TNKS: variants seen among roughly 807,000 people sequenced by gnomAD.
TNKS encodes the protein poly [ADP-ribose] polymerase tankyrase-1.
In TNKS, 72 loss-of-function variants were observed where a neutral mutation model predicts 135.8. The observed-to-expected ratio is 0.53, with a 90% CI of 0.44 to 0.64. The LOEUF (loss-of-function observed/expected upper bound fraction) is 0.64, where lower values mean the gene tolerates loss of function less well. Ranked by LOEUF, TNKS falls within the 30% of genes least tolerant of loss-of-function variation. TNKS has a pLI of 0.00. For synonymous variants in TNKS, 849 were observed against 649.3 expected (o/e 1.31, Z -4.68); for missense variants, 1,769 against 1,674.0 (o/e 1.06, Z -0.99).
At position 9,659,079 on chromosome 8, in the gene TNKS, A is replaced by T. The variant is rs1254052675; in HGVS notation, c.995-20872A>T. 2.6e-5 allele frequency among the ~76,000 whole-genome samples: 4 copies of T among 152,262 alleles called. No individual in the cohort carries two copies. In the East Asian group the frequency reaches 7.7e-4, roughly 29 times the overall value. ...ACTCAATACAGGAGCACCCAGATTC[A>T]TAAAGCAAGTCCTTAGTGAAGTACA... On this transcript the variant is annotated intron_variant, in intron 3 of 26. Coordinates refer to ENST00000310430, the MANE Select transcript of TNKS (RefSeq NM_003747.3).
chr8:9,776,961 C>T lies in TNKS; in HGVS notation c.*225C>T. Reference sequence around the variant, plus strand: ...AATGTTTACAGGGGCGGCCTTTTAACATATCTCAGGCTCATTTTCATTGCA... The same window carrying T: ...AATGTTTACAGGGGCGGCCTTTTAATATATCTCAGGCTCATTTTCATTGCA... On this transcript the variant is annotated 3_prime_UTR_variant, in exon 27 of 27. Coordinates refer to ENST00000310430, the MANE Select transcript of TNKS (RefSeq NM_003747.3). 2 of 484,720 alleles carry T rather than the reference C, an allele frequency of 4.1e-6. No homozygotes were observed. Among genetic ancestry groups the T allele is most frequent in the Non-Finnish European group, 3.7e-6 (1 of 273,094 alleles). The allele number at this position is 484,720 out of a possible 1,614,324, so 30.0% of individuals were successfully genotyped here.
At chr8:9,668,315 A>C (rs1222684046) in intron 3 of TNKS, among the ~76,000 whole-genome samples, 1 of 152,186 alleles carries the variant, frequency 6.6e-6, no homozygotes, top group African/African-American at 2.4e-5. Context: ...CACTTTAAGG[A>C]GCTAATAAAA....
At chr8:9,743,738 T>A (rs532321039) in intron 17 of TNKS, among the ~76,000 whole-genome samples, 1 of 152,220 alleles carries the variant, frequency 6.6e-6, no homozygotes. Flanking sequence ...AAAATACATA[T>A]CCATATCTAT....
chr8:9,630,775 T>C (rs1238545077), intron 3 of TNKS, among the ~76,000 whole-genome samples: 2 of 152,216 alleles, frequency 1.3e-5, no homozygotes, highest in Non-Finnish European at 2.9e-5. Context: ...GGCAGAATCA[T>C]CGTAAATGAA....
At chr8:9,753,620 T>G (rs1806666768) in intron 20 of TNKS, among the ~76,000 whole-genome samples, 1 of 152,236 alleles carries the variant, frequency 6.6e-6, no homozygotes, top group East Asian at 1.9e-4. Flanking sequence ...ACTCCTGAAT[T>G]TAAATGGACT....
chr8:9,760,150 C>G (rs1184133053), intron 20 of TNKS, among the ~76,000 whole-genome samples: 6 of 152,110 alleles, frequency 3.9e-5, no homozygotes, highest in Non-Finnish European at 8.8e-5. Flanking sequence ...TCATGTCTAG[C>G]TAAGAATGTA....
In TNKS at chr8:9,776,679, G is replaced by C; in HGVS notation, c.3927G>C (p.Gln1309His). 2 of 1,614,000 alleles carry C rather than the reference G, an allele frequency of 1.2e-6. No homozygotes were observed. Among genetic ancestry groups the C allele is most frequent in the Non-Finnish European group, 1.7e-6 (2 of 1,179,942 alleles). The change falls in exon 27 of 27, where the codon CAG (glutamine) becomes CAC (histidine). Residue 1309 changes from glutamine (Q) to histidine (H), a missense_variant. Transcript: ENST00000310430. ...ACCCAGAGTATCTTATCACTTACCA[G>C]ATCATGAAGCCAGAAGCCCCTTCCC... Reference protein sequence around the residue: ...QAYPEYLITYQIMKPEAPSQT... With the variant: ...QAYPEYLITYHIMKPEAPSQT...
At chr8:9,587,235 G>C (rs949255110) in intron 2 of TNKS, among the ~76,000 whole-genome samples, 1 of 151,902 alleles carries the variant, frequency 6.6e-6, no homozygotes, top group South Asian at 2.1e-4. Context: ...AAAGTCAGAT[G>C]ATATAATTTC....
At chr8:9,767,830 G>A (rs1347990204) in intron 25 of TNKS, among the ~76,000 whole-genome samples, 1 of 151,900 alleles carries the variant, frequency 6.6e-6, no homozygotes, top group African/African-American at 2.4e-5. Context: ...GTGGTGGCAG[G>A]CGCTTGTAGT....
At chr8:9,604,747 C>CAT (rs1391633769) in intron 2 of TNKS, among the ~76,000 whole-genome samples, 4 of 151,654 alleles carry the variant, frequency 2.6e-5, no homozygotes, top group Admixed American at 2.6e-4. Context: ...TAAATACATA[C>CAT]ATATGTATGT....
rs552999416 is a variant in TNKS at position 9,625,179 on chromosome 8, A to G, written c.994+9502A>G. ...TTTATGTCTTTCAAGGAATTGGTCA[A>G]TTTCATCTAAGTTGTCAAATTTGTG... On this transcript the variant is annotated intron_variant, in intron 3 of 26. Transcript: ENST00000310430. Among the ~76,000 whole-genome samples the G allele has an allele frequency of 2.6e-5, 4 of 152,068 alleles. 1 individual carries two copies. The South Asian group carries it at 8.3e-4, about 32-fold the overall frequency.
In TNKS at chr8:9,679,878, A is replaced by C. The variant is rs752236011; in HGVS notation, c.995-73A>C. 5.7e-6 allele frequency: 7 copies of C among 1,222,742 alleles called. No homozygotes were observed. In the South Asian group the frequency reaches 7.3e-5, roughly 13 times the overall value. 75.7% of individuals were successfully genotyped at this position (1,222,742 alleles called of 1,614,324 possible). A position where few individuals can be genotyped will look rare whatever the true frequency, so the allele number is the denominator to read the frequency against. On this transcript the variant is annotated intron_variant, in intron 3 of 26. Coordinates refer to ENST00000310430, the MANE Select transcript of TNKS (RefSeq NM_003747.3). The stretch of plus-strand genomic sequence containing the variant: ...TCTGTTCTTCTCTATTTAATTCTCT[A>C]TTTGCTGCCTACTGCATTTCTTAAT...
chr8:9,659,006 A>G (rs573768974), intron 3 of TNKS, among the ~76,000 whole-genome samples: 10 of 152,374 alleles, frequency 6.6e-5, no homozygotes, highest in African/African-American at 2.2e-4. Flanking sequence ...ACATAATGGT[A>G]AAGGGATCAA....
At chr8:9,599,027 T>G (rs1307240383) in intron 2 of TNKS, among the ~76,000 whole-genome samples, 1 of 151,728 alleles carries the variant, frequency 6.6e-6, no homozygotes, top group East Asian at 1.9e-4. Flanking sequence ...CCCTTAGAGT[T>G]GTGCAAGCTT....
At chr8:9,704,321 T>A (rs1432848923) in intron 5 of TNKS, among the ~76,000 whole-genome samples, 1 of 152,162 alleles carries the variant, frequency 6.6e-6, no homozygotes, top group Admixed American at 6.5e-5. Flanking sequence ...AGGAAGAATG[T>A]TTCCAATTAT....
chr8:9,561,125 ATC>A (rs1797316398), intron 1 of TNKS, among the ~76,000 whole-genome samples: 3 of 152,202 alleles, frequency 2.0e-5, no homozygotes, highest in Admixed American at 6.5e-5. Context: ...TCCGTCAATC[ATC>A]TTTTTATTAA....
chr8:9,657,216 ACCTC>A (rs1563146622), intron 3 of TNKS, among the ~76,000 whole-genome samples: 164 of 120,072 alleles, frequency 1.4e-3, no homozygotes, highest in Non-Finnish European at 2.4e-3. Flanking sequence ...GGTGCCCCTC[ACCTC>A]CCGGACGGGG....
chr8:9,763,326 C>A, intron 22 of TNKS, 82 bp downstream of exon 22: 2 of 909,332 alleles, frequency 2.2e-6, no homozygotes, highest in South Asian at 1.9e-5. Flanking sequence ...CCTCGTCTTA[C>A]ATTGCCTTGC....
chr8:9,735,254 A>G, intron 16 of TNKS, 123 bp from the exon 17 acceptor site: 14 of 1,085,356 alleles, frequency 1.3e-5, no homozygotes, highest in African/African-American at 1.6e-5. Flanking sequence ...TTATGTGATA[A>G]CAGTATTAGC....
Sources: gnomAD v4.1 joint callset for allele counts (sites outside exome capture counted in the v4.1 genomes callset) on GRCh38, gnomAD v4.1.1 for gene constraint, MANE v1.5 for transcripts, NCBI Gene and HGNC (gene_info 2026-07-23, HGNC 2026-07-21) for gene names.